SYF2: variants seen among roughly 807,000 people sequenced by gnomAD.
SYF2 encodes the protein pre-mRNA-splicing factor SYF2.
A neutral mutation model predicts 32.7 loss-of-function variants in SYF2; 21 were observed. The ratio of observed to expected loss-of-function variants is 0.64; its 90% CI spans 0.45 to 0.92. SYF2 has a LOEUF of 0.92. Among genes scored for constraint, SYF2 ranks in the 40% least tolerant of loss-of-function variants. The probability of loss-of-function intolerance (pLI) is 0.00; values close to 1 mark genes in which losing one functional copy is unlikely to be tolerated. For missense variants in SYF2, 278 were observed against 296.5 expected (o/e 0.94, Z 0.46); for synonymous variants, 114 against 103.9 (o/e 1.10, Z -0.59).
chr1:25,227,208 AGGTGGC>A, intron 5 of SYF2, among the ~76,000 whole-genome samples: 1 of 152,238 alleles, frequency 6.6e-6, no homozygotes, highest in South Asian at 2.1e-4. Context: ...GCTTGAACCC[AGGTGGC>A]GGAGGTTGCA....
At chr1:25,227,115 T>G (rs1169465615) in intron 5 of SYF2, among the ~76,000 whole-genome samples, 1 of 152,086 alleles carries the variant, frequency 6.6e-6, no homozygotes, top group Non-Finnish European at 1.5e-5. Context: ...AAACCCCATC[T>G]CAGCTAAAAC....
chr1:25,225,633 G>A (rs1638495017), intron 5 of SYF2, among the ~76,000 whole-genome samples: 1 of 152,018 alleles, frequency 6.6e-6, no homozygotes, highest in Non-Finnish European at 1.5e-5. Flanking sequence ...GCTGAGGTGG[G>A]CGGATCACAA....
At chr1:25,227,394 C>T (rs766877046) in intron 5 of SYF2, 48 bp downstream of exon 5, 1 of 1,458,008 alleles carries the variant, frequency 6.9e-7, no homozygotes, top group South Asian at 1.2e-5. Context: ...TATACACACA[C>T]ACACACACAA....
Position 25,232,458 on chromosome 1 carries a change from T to C in SYF2, c.10A>G (p.Ile4Val), listed in dbSNP as rs1557472836. Residue 4 changes from isoleucine (I) to valine (V), a missense_variant, in exon 1 of 7, where the codon ATA becomes GTA. Physicochemically the swap from Ile to Val is conservative, Grantham distance 29 (BLOSUM62 3). Coordinates refer to ENST00000236273, the MANE Select transcript of SYF2 (RefSeq NM_015484.5). The part of the protein sequence containing the change: MAA[I>V]AASEVLVDSA... ...GTGGAACTCACCTCGGATGCAGCTATAGCCGCCATCACAACCTTTCTCTCT... is the reference window on the plus strand; with the variant it reads ...GTGGAACTCACCTCGGATGCAGCTACAGCCGCCATCACAACCTTTCTCTCT... 3.7e-6 allele frequency: 6 copies of C among 1,614,098 alleles called. No individual in the cohort carries two copies. The highest frequency in any genetic ancestry group is 2.2e-5 in the East Asian group (1 of 44,898).
rs545612275 is a variant in SYF2, at chr1:25,227,435, G to A, written c.467+7C>T. 1.1e-5 allele frequency: 17 copies of A among 1,611,152 alleles called. No homozygotes were observed. In the African/African-American group the frequency reaches 2.3e-4, roughly 22 times the overall value. On this transcript the variant is annotated splice_region_variant and intron_variant, in intron 5 of 6. Transcript: ENST00000236273. The stretch of plus-strand genomic sequence containing the variant: ...TCCACATCACCTCAGGTTGAAAAAG[G>A]ACTTACTGTTTTTCTCTCAGTCTCT...
chr1:25,232,275 G>A (rs1012276147), intron 1 of SYF2, 64 bp from the exon 2 acceptor site: 6 of 1,564,668 alleles, frequency 3.8e-6, no homozygotes. Flanking sequence ...TGCCCAGGCC[G>A]AGTCCCCGCC....
intron 5 of SYF2, 130 bp downstream of exon 5, chr1:25,227,312 C>G: frequency 3.9e-6 from 3 of 775,926 alleles, no homozygotes; most frequent in Non-Finnish European, 6.1e-6. Context: ...CCAGAAAAAA[C>G]AGAGACCATC....
chr1:25,223,743 C>T (rs1638451774), intron 6 of SYF2, among the ~76,000 whole-genome samples: 2 of 152,054 alleles, frequency 1.3e-5, no homozygotes, highest in Admixed American at 1.3e-4. Context: ...TGCCTGTAAT[C>T]CCACTACTTT....
chr1:25,232,261 G>A (rs1274080642), intron 1 of SYF2, 50 bp from the exon 2 acceptor site: 1 of 1,577,458 alleles, frequency 6.3e-7, no homozygotes, highest in Non-Finnish European at 8.6e-7. Context: ...GCTTCTCCCA[G>A]GACTGCCCAG....
chr1:25,229,516 T>C (rs1012781871), intron 2 of SYF2, among the ~76,000 whole-genome samples: 2 of 152,204 alleles, frequency 1.3e-5, no homozygotes, highest in African/African-American at 4.8e-5. Context: ...GGATCACGCT[T>C]GTAATCCTAG....
chr1:25,224,125 T>C (rs11249005), intron 6 of SYF2, among the ~76,000 whole-genome samples: 12,447 of 151,588 alleles, frequency 0.082, 1,712 homozygotes, highest in African/African-American at 0.28. Flanking sequence ...AACTGGCAGG[T>C]GGAGGTTGTG....
rs148530759 is a variant in SYF2, at chr1:25,225,068, A to C, written c.500T>G (p.Leu167Arg). 21 of 1,613,982 alleles carry C rather than the reference A, an allele frequency of 1.3e-5. No homozygotes were observed. The South Asian group carries it at 1.3e-4, about 10-fold the overall frequency. The change falls in exon 6 of 7, where the codon CTT becomes CGT. Residue 167 changes from leucine to arginine, a missense_variant. Physicochemically the swap from Leu to Arg is moderately radical, Grantham distance 102 (BLOSUM62 -2). Coordinates refer to ENST00000236273, the MANE Select transcript of SYF2 (RefSeq NM_015484.5). Reference sequence around the variant, plus strand: ...GGAAGGCACATGTGTTCCATGAAGAAGACTATTGGATGTTGGGAAAAACTC... The same window carrying C: ...GGAAGGCACATGTGTTCCATGAAGACGACTATTGGATGTTGGGAAAAACTC... Reference protein sequence around the residue: ...GEEFFPTSNSLLHGTHVPSTE... With the variant: ...GEEFFPTSNSRLHGTHVPSTE...
At position 25,223,224 on chromosome 1, in the gene SYF2, T is replaced by G; in HGVS notation, c.*42A>C. ...GAACTTGATTTTGCTAGCAGAAATTTTTACCCCATTCTCAAGCTTCTATAA... is the reference window on the plus strand; with the variant it reads ...GAACTTGATTTTGCTAGCAGAAATTGTTACCCCATTCTCAAGCTTCTATAA... On this transcript the variant is annotated 3_prime_UTR_variant, in exon 7 of 7. Coordinates refer to ENST00000236273, the MANE Select transcript of SYF2 (RefSeq NM_015484.5). The G allele has an allele frequency of 1.3e-6, 2 of 1,533,662 alleles. No homozygotes were observed. Among genetic ancestry groups the G allele is most frequent in the Non-Finnish European group, 8.8e-7 (1 of 1,139,364 alleles).
intron 5 of SYF2, among the ~76,000 whole-genome samples, chr1:25,227,151 C>T (rs1158447587): frequency 2.0e-5 from 3 of 152,210 alleles, no homozygotes; most frequent in Non-Finnish European, 2.9e-5. Flanking sequence ...GGCGTGGTGG[C>T]GGGCGCCTGT....
intron 5 of SYF2, among the ~76,000 whole-genome samples, chr1:25,226,102 T>C (rs1177104025): frequency 6.6e-6 from 1 of 151,538 alleles, no homozygotes; most frequent in Non-Finnish European, 1.5e-5. Context: ...GAGTCAAGAT[T>C]GCACCACTGC....
intron 2 of SYF2, chr1:25,231,505 C>G (rs1423168769): frequency 6.5e-6 from 1 of 154,184 alleles, no homozygotes; most frequent in Admixed American, 6.5e-5. Context: ...GAGGCACCCC[C>G]TGGAGACCCA....
chr1:25,232,059 G>A, intron 2 of SYF2, 45 bp downstream of exon 2: 1 of 1,583,760 alleles, frequency 6.3e-7, no homozygotes, highest in Non-Finnish European at 8.6e-7. Flanking sequence ...AAGCGCACAG[G>A]CTTGGCCAGA....
At chr1:25,229,363 G>A (rs1638581976) in intron 2 of SYF2, among the ~76,000 whole-genome samples, 1 of 152,200 alleles carries the variant, frequency 6.6e-6, no homozygotes. Context: ...GAGCCCTGGA[G>A]GTTAAAATCA....
rs143275293 is a variant in SYF2, at chr1:25,230,008, G to A, written c.133-885C>T. 9.2e-4 allele frequency among the ~76,000 whole-genome samples: 140 copies of A among 152,270 alleles called. 1 individual carries two copies. Among genetic ancestry groups the A allele is most frequent in the African/African-American group, 3.3e-3 (136 of 41,564 alleles). ...ATTTTTTTGTATTTTTGGTAGAAAC[G>A]TGGTTTTGCAGTTTGGCCAGGCTGG... On this transcript the variant is annotated intron_variant, in intron 2 of 6. Coordinates refer to ENST00000236273, the MANE Select transcript of SYF2 (RefSeq NM_015484.5).
Sources: gnomAD v4.1 joint callset for allele counts (sites outside exome capture counted in the v4.1 genomes callset) on GRCh38, gnomAD v4.1.1 for gene constraint, MANE v1.5 for transcripts, NCBI Gene and HGNC (gene_info 2026-07-23, HGNC 2026-07-21) for gene names.